Variants in COL22A1 observed in about 807,000 individuals in gnomAD.
COL22A1 encodes collagen type XXII alpha 1 chain, also known as collagen alpha-1(XXII) chain.
In COL22A1, 221 loss-of-function variants were observed where a neutral mutation model predicts 248.9. That is an observed-to-expected ratio of 0.89 (90% CI 0.80 to 0.99). The LOEUF (loss-of-function observed/expected upper bound fraction) is 0.99. Among genes scored for constraint, COL22A1 ranks in the 50% least tolerant of loss-of-function variants. The pLI, the probability that COL22A1 is intolerant of heterozygous loss-of-function variation, is 0.00. For missense variants in COL22A1, 2,240 were observed against 2,179.0 expected (o/e 1.03, Z -0.56); for synonymous variants, 891 against 793.4 (o/e 1.12, Z -2.07).
chr8:138,854,348 C>T (rs1821859619), intron 3 of COL22A1, among the ~76,000 whole-genome samples: 1 of 152,320 alleles, frequency 6.6e-6, no homozygotes, highest in East Asian at 1.9e-4. Context: ...CTCTGCCCTC[C>T]TGAAGCCCAG....
At chr8:138,691,745 T>C (rs1390702129) in intron 35 of COL22A1, among the ~76,000 whole-genome samples, 1 of 151,628 alleles carries the variant, frequency 6.6e-6, no homozygotes, top group East Asian at 1.9e-4. Context: ...TGCATGTTTG[T>C]GGAGGTGTGT....
In COL22A1 at chr8:138,729,122, C is replaced by G. The variant is rs1830528277; in HGVS notation, c.2140-3682G>C. Among the ~76,000 whole-genome samples the G allele has an allele frequency of 1.3e-5, 2 of 152,144 alleles. 1 individual carries two copies. Among genetic ancestry groups the G allele is most frequent in the South Asian group, 4.1e-4 (2 of 4,824 alleles). The stretch of plus-strand genomic sequence containing the variant: ...CCTCCACTGGCCATGGGAGGCTGGG[C>G]TTTTTCATTAAATTTACAGAGGAGG... On this transcript the variant is annotated intron_variant, in intron 23 of 64. Coordinates refer to ENST00000303045, the MANE Select transcript of COL22A1 (RefSeq NM_152888.3).
intron 23 of COL22A1, among the ~76,000 whole-genome samples, chr8:138,734,848 G>A (rs893929866): frequency 1.1e-4 from 16 of 152,318 alleles, no homozygotes; most frequent in East Asian, 9.6e-4. Flanking sequence ...AAAAAAGGAT[G>A]AGTTCATGTC....
At chr8:138,822,342 G>C (rs750522032) in intron 6 of COL22A1, among the ~76,000 whole-genome samples, 2 of 152,144 alleles carry the variant, frequency 1.3e-5, no homozygotes, top group African/African-American at 2.4e-5. Flanking sequence ...GAGCCACCGT[G>C]CTCAGCCTGA....
chr8:138,716,813 A>G lies in COL22A1; in HGVS notation c.2400+12T>C. On this transcript the variant is annotated intron_variant, in intron 28 of 64. Transcript: ENST00000303045. ...GAATAAAATGAATGAATAAAAGCAC[A>G]AACAAACAGACCTTCTCTCCAGGTC... is the stretch of plus-strand genomic sequence containing the variant. The G allele has an allele frequency of 6.3e-7, 1 of 1,599,678 alleles. No homozygotes were observed. Among genetic ancestry groups the G allele is most frequent in the South Asian group, 1.1e-5 (1 of 90,642 alleles).
chr8:138,702,281 C>T (rs10113254), intron 31 of COL22A1, among the ~76,000 whole-genome samples: 2,352 of 152,244 alleles, frequency 0.015, 61 homozygotes, highest in African/African-American at 0.051. Context: ...TGACTAATTC[C>T]GACTCTAAAG....
intron 47 of COL22A1, among the ~76,000 whole-genome samples, chr8:138,637,776 A>C (rs1821318799): frequency 6.6e-6 from 1 of 152,120 alleles, no homozygotes; most frequent in Admixed American, 6.5e-5. Context: ...TTAGCTCTCA[A>C]AAAAACATTA....
chr8:138,879,655 C>T (rs1468522686), intron 2 of COL22A1, among the ~76,000 whole-genome samples: 1 of 145,652 alleles, frequency 6.9e-6, no homozygotes, highest in Non-Finnish European at 1.5e-5. Flanking sequence ...CACATCACTG[C>T]CCTCCAGCCT....
At chr8:138,857,595 A>C (rs1822139036) in intron 3 of COL22A1, among the ~76,000 whole-genome samples, 1 of 152,128 alleles carries the variant, frequency 6.6e-6, no homozygotes, top group African/African-American at 2.4e-5. Flanking sequence ...CTGCCACCCC[A>C]TCCCGAAAAT....
rs187568572 is a variant in COL22A1 at position 138,746,648 on chromosome 8, C to T, written c.2085+4810G>A. 1.7e-3 allele frequency among the ~76,000 whole-genome samples: 265 copies of T among 152,334 alleles called. 2 individuals are homozygous for T. The highest frequency in any genetic ancestry group is 6.1e-3 in the African/African-American group (252 of 41,580). On this transcript the variant is annotated intron_variant, in intron 22 of 64. Transcript: ENST00000303045. Reference sequence around the variant, plus strand: ...CATTCACTAGAGGAAGCAAGACAAGCGGGGAGCCATCCTCTGTGTTGCTCT... The same window carrying T: ...CATTCACTAGAGGAAGCAAGACAAGTGGGGAGCCATCCTCTGTGTTGCTCT...
chr8:138,728,191 C>A (rs1402048034), intron 23 of COL22A1, among the ~76,000 whole-genome samples: 1 of 151,786 alleles, frequency 6.6e-6, no homozygotes, highest in Non-Finnish European at 1.5e-5. Context: ...TGCTACCATG[C>A]CTAATTTTAT....
At chr8:138,664,199 G>GCGCGCA (rs1554738466) in intron 41 of COL22A1, among the ~76,000 whole-genome samples, 1 of 74,558 alleles carries the variant, frequency 1.3e-5, no homozygotes, top group African/African-American at 5.3e-5. Context: ...AGGGGTGCGC[G>GCGCGCA]CGCGCGCGCG....
rs75540483 is a variant in COL22A1, at chr8:138,601,295, G to A, written c.4185+820C>T. On this transcript the variant is annotated intron_variant, in intron 60 of 64. Coordinates refer to ENST00000303045, the MANE Select transcript of COL22A1 (RefSeq NM_152888.3). ...GGGAAGGAGACAGGAGGAAGATCCA[G>A]GGGGGAGAATCCCTGAGACTCTGCC... Among the ~76,000 whole-genome samples the A allele has an allele frequency of 6.0e-3, 910 of 152,250 alleles. 2 individuals carry two copies. The highest frequency in any genetic ancestry group is 9.6e-3 in the Non-Finnish European group (652 of 68,016).
At chr8:138,635,386 A>G (rs1433680695) in intron 48 of COL22A1, among the ~76,000 whole-genome samples, 1 of 152,240 alleles carries the variant, frequency 6.6e-6, no homozygotes, top group South Asian at 2.1e-4. Context: ...TGCAGGGTAC[A>G]TAAATGTTCA....
chr8:138,620,569 G>A (rs573436225), intron 52 of COL22A1: 2 of 152,270 alleles, frequency 1.3e-5, no homozygotes, highest in South Asian at 2.1e-4. Flanking sequence ...AGGTCTTTGT[G>A]ATAGAGGGTG....
At chr8:138,600,479 G>A (rs1817910299) in intron 60 of COL22A1, among the ~76,000 whole-genome samples, 1 of 152,202 alleles carries the variant, frequency 6.6e-6, no homozygotes, top group African/African-American at 2.4e-5. Flanking sequence ...CTCAGAGTGG[G>A]GAGGGGGTTA....
At position 138,665,832 on chromosome 8, in the gene COL22A1, T is replaced by C. The variant is rs541730470; in HGVS notation, c.3151-2092A>G. On this transcript the variant is annotated intron_variant, in intron 41 of 64. Transcript: ENST00000303045. ...AAGAAAGAAAACAGAGAAAATAACA[T>C]GGCATTATCCAGAAAGATCTGGCAG... is the stretch of plus-strand genomic sequence containing the variant. Among the ~76,000 whole-genome samples, 132 of 152,182 alleles carry C rather than the reference T, an allele frequency of 8.7e-4. 1 individual carries two copies. Among genetic ancestry groups the C allele is most frequent in the African/African-American group, 3.1e-3 (127 of 41,518 alleles).
At chr8:138,637,451 C>T (rs772897600) in intron 47 of COL22A1, among the ~76,000 whole-genome samples, 14 of 152,118 alleles carry the variant, frequency 9.2e-5, no homozygotes, top group Non-Finnish European at 1.9e-4. Flanking sequence ...TCAAGTTGTT[C>T]GTTTGTTTTG....
chr8:138,649,838 G>T, intron 45 of COL22A1, 60 bp from the exon 46 acceptor site: 1 of 1,057,584 alleles, frequency 9.5e-7, no homozygotes. Flanking sequence ...CAGTTTCAAA[G>T]CAAAGCAAAG....
Sources: gnomAD v4.1 joint callset for allele counts (sites outside exome capture counted in the v4.1 genomes callset) on GRCh38, gnomAD v4.1.1 for gene constraint, MANE v1.5 for transcripts, NCBI Gene and HGNC (gene_info 2026-07-23, HGNC 2026-07-21) for gene names.